TUBGCP2: variants seen among roughly 807,000 people sequenced by gnomAD.
The protein encoded by TUBGCP2 is gamma-tubulin complex component 2.
In TUBGCP2, 55 loss-of-function variants were observed where a neutral mutation model predicts 92.2. The ratio of observed to expected loss-of-function variants is 0.60; its 90% CI spans 0.48 to 0.75. TUBGCP2 has a LOEUF of 0.75. Ranked by LOEUF, TUBGCP2 falls within the 30% of genes least tolerant of loss-of-function variation. The pLI is 0.00. For missense variants in TUBGCP2, 1,093 were observed against 1,188.9 expected (o/e 0.92, Z 1.19); for synonymous variants, 533 against 505.2 (o/e 1.06, Z -0.74).
At chr10:133,309,373 G>C (rs750059509), upstream of TUBGCP2, 30 of 1,608,768 alleles carry the variant, frequency 1.9e-5, no homozygotes, top group Admixed American at 5.0e-4. Flanking sequence ...CCCGCCCACG[G>C]CGCACTTTTC....
At chr10:133,300,773 C>CT (rs1481829272) in intron 2 of TUBGCP2, among the ~76,000 whole-genome samples, 2 of 152,230 alleles carry the variant, frequency 1.3e-5, no homozygotes, top group African/African-American at 4.8e-5. Flanking sequence ...TGCGCCCGCC[C>CT]TTTTATGCTT....
At chr10:133,301,706 T>TA (rs1847660329) in intron 2 of TUBGCP2, 1 of 119,192 alleles carries the variant, frequency 8.4e-6, no homozygotes, top group Non-Finnish European at 1.7e-5. Flanking sequence ...CTCCCTTTTT[T>TA]TTTTTTTTTT....
chr10:133,294,575 C>T (rs1847446456), intron 5 of TUBGCP2, among the ~76,000 whole-genome samples: 2 of 150,648 alleles, frequency 1.3e-5, no homozygotes, highest in Non-Finnish European at 3.0e-5. Flanking sequence ...TCAGCGAAAG[C>T]CTCAATCCTG....
chr10:133,293,379 G>A (rs1847410826), intron 6 of TUBGCP2, 141 bp from the exon 7 acceptor site: 5 of 1,225,834 alleles, frequency 4.1e-6, no homozygotes, highest in African/African-American at 1.5e-5. Flanking sequence ...TGCCCCAGGA[G>A]GAGATGAGTC....
intron 5 of TUBGCP2, among the ~76,000 whole-genome samples, chr10:133,297,695 G>A (rs1333439171): frequency 6.6e-6 from 1 of 152,240 alleles, no homozygotes; most frequent in African/African-American, 2.4e-5. Flanking sequence ...AGCTCTGGCA[G>A]AAGGGACAGG....
rs772955334 is a variant in TUBGCP2, at chr10:133,299,493, G to A, written c.390C>T (p.Ser130=). Residue 130 remains serine, a synonymous_variant, in exon 4 of 18, where the codon TCC becomes TCT. Coordinates refer to ENST00000252936, the MANE Select transcript of TUBGCP2 (RefSeq NM_006659.4). ...INVPAAASKI[S]MQELEELRKQ... ...TCCTCAGTTCCTCAAGCTCCTGCATGGAGATCTTGGAGGCCGCGGCAGGGA... is the reference window on the plus strand; with the variant it reads ...TCCTCAGTTCCTCAAGCTCCTGCATAGAGATCTTGGAGGCCGCGGCAGGGA... 6.2e-7 allele frequency: 1 copy of A among 1,613,244 alleles called. No individual in the cohort carries two copies. The highest frequency in any genetic ancestry group is 8.5e-7 in the Non-Finnish European group (1 of 1,179,976).
At chr10:133,290,496 A>C in intron 8 of TUBGCP2, 1 of 151,882 alleles carries the variant, frequency 6.6e-6, no homozygotes, top group Non-Finnish European at 1.5e-5. Context: ...TGCCTCAAAA[A>C]AAAAAAGAAA....
At chr10:133,297,663 G>C (rs1847521512) in intron 5 of TUBGCP2, among the ~76,000 whole-genome samples, 1 of 152,202 alleles carries the variant, frequency 6.6e-6, no homozygotes, top group Non-Finnish European at 1.5e-5. Flanking sequence ...GCTGGGGAGG[G>C]GCCTGCTGCA....
intron 5 of TUBGCP2, chr10:133,297,528 T>G: frequency 2.6e-6 from 1 of 383,982 alleles, no homozygotes; most frequent in South Asian, 2.0e-5. Flanking sequence ...ACACGAACAC[T>G]ACTTAAGAGG....
chr10:133,298,961 C>T (rs181034336), intron 4 of TUBGCP2, among the ~76,000 whole-genome samples: 188 of 152,302 alleles, frequency 1.2e-3, no homozygotes, highest in African/African-American at 4.5e-3. Context: ...AGATGACTTA[C>T]GTCAAAAGAC....
intron 1 of TUBGCP2, among the ~76,000 whole-genome samples, chr10:133,307,926 CAG>C (rs1344861097): frequency 1.3e-5 from 2 of 152,172 alleles, no homozygotes; most frequent in African/African-American, 4.8e-5. Flanking sequence ...AACTGTAACA[CAG>C]AGATATTTGT....
chr10:133,299,062 T>G (rs1847562587), intron 4 of TUBGCP2, among the ~76,000 whole-genome samples: 1 of 152,148 alleles, frequency 6.6e-6, no homozygotes, highest in Admixed American at 6.5e-5. Context: ...CTTGAAAATA[T>G]AATGATCTGA....
At position 133,289,039 on chromosome 10, in the gene TUBGCP2, A is replaced by T. The variant is rs1258342262; in HGVS notation, c.1361-19T>A. 3 of 1,604,616 alleles carry T rather than the reference A, an allele frequency of 1.9e-6. No homozygotes were observed. Among genetic ancestry groups the T allele is most frequent in the Non-Finnish European group, 8.5e-7 (1 of 1,173,150 alleles). The stretch of plus-strand genomic sequence containing the variant: ...TATTTTCCTGAAAACACAGAAATTC[A>T]AAATTTTATTCTCCACATGGTCGAT... On this transcript the variant is annotated intron_variant, in intron 9 of 17. Transcript: ENST00000252936.
chr10:133,300,983 C>A (rs1187197313), intron 2 of TUBGCP2, among the ~76,000 whole-genome samples: 1 of 152,018 alleles, frequency 6.6e-6, no homozygotes, highest in East Asian at 1.9e-4. Context: ...CAGGTTTGTA[C>A]TGGAGAGTAG....
chr10:133,280,115 A>G (rs879225960), intron 17 of TUBGCP2, among the ~76,000 whole-genome samples: 1 of 152,206 alleles, frequency 6.6e-6, no homozygotes, highest in Non-Finnish European at 1.5e-5. Context: ...GGAAGTGTTC[A>G]GCTACAGAGA....
chr10:133,299,845 T>C lies in TUBGCP2; in HGVS notation c.279+140A>G, dbSNP rs1847594217. The C allele has an allele frequency of 2.4e-6, 3 of 1,249,848 alleles. No homozygotes were observed. In the South Asian group the frequency reaches 4.5e-5, roughly 19 times the overall value. 77.4% of individuals were successfully genotyped at this position (1,249,848 alleles called of 1,614,324 possible). ...ATCTTTCATTCTGATTCACCAAAAATTTCCTACATGGCCTAGAAGCGTTAC... is the reference window on the plus strand; with the variant it reads ...ATCTTTCATTCTGATTCACCAAAAACTTCCTACATGGCCTAGAAGCGTTAC... On this transcript the variant is annotated intron_variant, in intron 3 of 17. Transcript: ENST00000252936.
intron 11 of TUBGCP2, among the ~76,000 whole-genome samples, chr10:133,286,290 A>G (rs1847131988): frequency 2.0e-5 from 3 of 152,190 alleles, no homozygotes; most frequent in Admixed American, 2.0e-4. Flanking sequence ...CATCAACTCC[A>G]GCAAGGTCAG....
Position 133,282,331 on chromosome 10 carries a change from C to A in TUBGCP2, c.2301G>T (p.Gln767His). Residue 767 changes from glutamine (Q) to histidine (H), a missense_variant, in exon 16 of 18, where the codon CAG becomes CAT. Around this residue, in one of 3 missense-constraint regions of TUBGCP2, gnomAD observed 598 missense variants for 675.5 expected, o/e 0.89. Coordinates refer to ENST00000252936, the MANE Select transcript of TUBGCP2 (RefSeq NM_006659.4). ...CCAGCTCGCCATCTAATTTCATGCTCTGTGTAAATTTCTAGGGGGGGAGAG... is the reference window on the plus strand; with the variant it reads ...CCAGCTCGCCATCTAATTTCATGCTATGTGTAAATTTCTAGGGGGGGAGAG... Reference protein sequence around the residue: ...MFTNCMQKFTQSMKLDGELGG... With the variant: ...MFTNCMQKFTHSMKLDGELGG... 6.2e-7 allele frequency: 1 copy of A among 1,602,012 alleles called. No individual in the cohort carries two copies. The highest frequency in any genetic ancestry group is 1.1e-5 in the South Asian group (1 of 90,184).
At chr10:133,311,805 C>G, upstream of TUBGCP2, 1 of 1,613,438 alleles carries the variant, frequency 6.2e-7, no homozygotes, top group Non-Finnish European at 8.5e-7. Context: ...GCAGCCTCCC[C>G]TGCACCGGCA....
Sources: gnomAD v4.1 joint callset for allele counts (sites outside exome capture counted in the v4.1 genomes callset) on GRCh38, gnomAD v4.1.1 for gene constraint, gnomAD v4.1.1 regional missense constraint, MANE v1.5 for transcripts, NCBI Gene and HGNC (gene_info 2026-07-23, HGNC 2026-07-21) for gene names.